The following ARHGAP23 variants were observed in gnomAD, a reference collection of about 807,000 sequenced individuals.
ARHGAP23 encodes rho GTPase-activating protein 23.
A neutral mutation model predicts 136.3 loss-of-function variants in ARHGAP23; 34 were observed. The observed-to-expected ratio is 0.25, with a 90% confidence interval of 0.19 to 0.33. The LOEUF (loss-of-function observed/expected upper bound fraction) is 0.33, where lower values mean the gene tolerates loss of function less well. ARHGAP23 is among the 10% of genes least tolerant of loss of function. The pLI is 1.00. For missense variants in ARHGAP23, 1,808 were observed against 2,139.0 expected (o/e 0.85, Z 3.05); for synonymous variants, 832 against 920.5 (o/e 0.90, Z 1.74).
chr17:38,443,986 A>G (rs1466203964), intron 1 of ARHGAP23, among the ~76,000 whole-genome samples: 1 of 152,054 alleles, frequency 6.6e-6, no homozygotes, highest in East Asian at 1.9e-4. Context: ...CAGGGGATGG[A>G]TCTGCTGACC....
rs144276568 is a variant in ARHGAP23 at position 38,495,791 on chromosome 17, T to G, written c.3277-1994T>G. 2.6e-5 allele frequency among the ~76,000 whole-genome samples: 4 copies of G among 152,302 alleles called. No individual in the cohort carries two copies. The East Asian group carries it at 7.7e-4, about 29-fold the overall frequency. On this transcript the variant is annotated intron_variant, in intron 20 of 23. Coordinates refer to ENST00000622683, the MANE Select transcript of ARHGAP23 (RefSeq NM_001199417.2). ...AAATGCATGGCTACCCTTAAATATA[T>G]ATAATATTCTTTGTGTGTTTTAAGT...
intron 11 of ARHGAP23, among the ~76,000 whole-genome samples, chr17:38,475,493 C>T (rs1161565894): frequency 2.0e-5 from 3 of 152,282 alleles, no homozygotes; most frequent in South Asian, 4.1e-4. Flanking sequence ...CTGTGATGAG[C>T]AGGGCTCACA....
rs60358190 is a variant in ARHGAP23 at position 38,419,580 on chromosome 17, T to TCACACACA, written n.120+207_120+214dup. 7.8e-3 allele frequency among the ~76,000 whole-genome samples: 1,113 copies of TCACACACA among 143,132 alleles called. 9 individuals carry two copies. The highest frequency in any genetic ancestry group is 0.024 in the African/African-American group (921 of 38,598). The allele number at this position is 143,132 out of a possible 152,430, so 93.9% of individuals were successfully genotyped here. On this transcript the variant is annotated intron_variant and non_coding_transcript_variant, in intron 1 of 4. Transcript: ENST00000633445. ...GGATGGGACTGATGTGACACAGAGC[T>TCACACACA]CACACACACACACACACACACACAC... is the stretch of plus-strand genomic sequence containing the variant.
intron 6 of ARHGAP23, among the ~76,000 whole-genome samples, chr17:38,464,935 C>T (rs1355962143): frequency 6.6e-6 from 1 of 152,170 alleles, no homozygotes; most frequent in Non-Finnish European, 1.5e-5. Context: ...ACCGACGCGG[C>T]GAGGCCCCTC....
chr17:38,470,415 C>T (rs2039722889), intron 10 of ARHGAP23, among the ~76,000 whole-genome samples: 1 of 152,204 alleles, frequency 6.6e-6, no homozygotes, highest in African/African-American at 2.4e-5. Flanking sequence ...GTCTTGTCTT[C>T]ATGGGATGGG....
rs1275851139 is a variant in ARHGAP23 at position 38,469,287 on chromosome 17, T to G, written c.1792T>G (p.Ser598Ala). The G allele has an allele frequency of 6.4e-7, 1 of 1,551,088 alleles. No homozygotes were observed. Among genetic ancestry groups the G allele is most frequent in the African/African-American group, 1.4e-5 (1 of 73,156 alleles). Residue 598 changes from serine to alanine, a missense_variant, in exon 8 of 24, where the codon TCG becomes GCG. Coordinates refer to ENST00000622683, the MANE Select transcript of ARHGAP23 (RefSeq NM_001199417.2). ...CACTTTCACCCTCGGACGCCATTAC[T>G]CGCAGGACTGCAGTGAGCACTCCCC... ...TFTFTLGRHY[S>A]QDCSSIKAGR...
intron 6 of ARHGAP23, 149 bp from the exon 7 acceptor site, chr17:38,466,018 C>T (rs964461106): frequency 1.8e-6 from 1 of 561,450 alleles, no homozygotes; most frequent in East Asian, 3.2e-5. Flanking sequence ...CTTCCACCCC[C>T]ACCCACTTAT....
chr17:38,469,354 G>C, intron 8 of ARHGAP23, 55 bp downstream of exon 8: 8 of 1,509,764 alleles, frequency 5.3e-6, no homozygotes, highest in Non-Finnish European at 6.2e-6. Context: ...CCAGTCCCAG[G>C]GGTCTCTGTT....
At chr17:38,453,720 A>G (rs1416297352) in intron 1 of ARHGAP23, 1 of 148,120 alleles carries the variant, frequency 6.8e-6, no homozygotes, top group African/African-American at 2.5e-5. Flanking sequence ...GGAGGCGCGG[A>G]GCCAATCCAG....
Position 38,457,955 on chromosome 17 carries a change from G to A in ARHGAP23, c.64-147G>A. On this transcript the variant is annotated intron_variant, in intron 1 of 23. Coordinates refer to ENST00000622683, the MANE Select transcript of ARHGAP23 (RefSeq NM_001199417.2). Reference sequence around the variant, plus strand: ...GAGAGTAAGGAAGGGGTGAGGAGGAGGTCATGGGCAGGGAGGATGCCTGGC... The same window carrying A: ...GAGAGTAAGGAAGGGGTGAGGAGGAAGTCATGGGCAGGGAGGATGCCTGGC... 14 of 869,254 alleles carry A rather than the reference G, an allele frequency of 1.6e-5. 2 individuals carry two copies. The South Asian group carries it at 2.1e-4, about 13-fold the overall frequency. The allele number at this position is 869,254 out of a possible 1,614,324, so 53.8% of individuals were successfully genotyped here.
chr17:38,467,319 A>C lies in ARHGAP23; in HGVS notation c.1636A>C (p.Ile546Leu), dbSNP rs1389727397. The C allele has an allele frequency of 1.4e-6, 2 of 1,480,710 alleles. No individual in the cohort carries two copies. The highest frequency in any genetic ancestry group is 1.8e-6 in the Non-Finnish European group (2 of 1,115,202). The allele number at this position is 1,480,710 out of a possible 1,614,324, so 91.7% of individuals were successfully genotyped here. Residue 546 changes from isoleucine (I) to leucine (L), a missense_variant, in exon 7 of 24, where the codon ATC becomes CTC. This residue lies in a region of ARHGAP23 where 859 missense variants were observed against 936.4 expected (regional missense o/e 0.92). Coordinates refer to ENST00000622683, the MANE Select transcript of ARHGAP23 (RefSeq NM_001199417.2). The stretch of plus-strand genomic sequence containing the variant: ...CACCACCGAAGACTCTCTGGCTTCC[A>C]TCCCCTTTATTGGTGAGTGATGGTA... ...LATTEDSLAS[I>L]PFIDEPTSPS...
chr17:38,465,805 G>A (rs1476439399), intron 6 of ARHGAP23, among the ~76,000 whole-genome samples: 1 of 151,286 alleles, frequency 6.6e-6, no homozygotes, highest in Non-Finnish European at 1.5e-5. Context: ...GGCTCCACCC[G>A]AGGAGCTTTG....
rs58299997 is a variant in ARHGAP23, at chr17:38,448,470, A to C, written c.64-9632A>C. Among the ~76,000 whole-genome samples, 11 of 152,192 alleles carry C rather than the reference A, an allele frequency of 7.2e-5. No individual in the cohort carries two copies. The East Asian group carries it at 2.1e-3, about 29-fold the overall frequency. On this transcript the variant is annotated intron_variant, in intron 1 of 23. Coordinates refer to ENST00000622683, the MANE Select transcript of ARHGAP23 (RefSeq NM_001199417.2). ...CCAACAACCTTTGAGGTGGAAATACATGTCATTACCATTTTATTGATGAGG... is the reference window on the plus strand; with the variant it reads ...CCAACAACCTTTGAGGTGGAAATACCTGTCATTACCATTTTATTGATGAGG...
chr17:38,458,012 C>T (rs2039368623), intron 1 of ARHGAP23, 90 bp from the exon 2 acceptor site: 2 of 1,466,802 alleles, frequency 1.4e-6, no homozygotes, highest in African/African-American at 2.8e-5. Flanking sequence ...TTCTGGTGCC[C>T]CTCCGGTCCT....
intron 4 of ARHGAP23, 50 bp from the exon 5 acceptor site, chr17:38,463,067 AT>A: frequency 1.3e-6 from 2 of 1,545,562 alleles, no homozygotes; most frequent in Admixed American, 4.0e-5. Flanking sequence ...GGGTTCTCAG[AT>A]GGGGCCTTTG....
chr17:38,423,951 A>G (rs377482624), upstream of ARHGAP23, among the ~76,000 whole-genome samples: 25 of 152,170 alleles, frequency 1.6e-4, no homozygotes, highest in East Asian at 4.8e-3. Context: ...CAGCTCACAG[A>G]GTTTTTCAGA....
At chr17:38,419,564 T>C (rs2038498515) in intron 1 of ARHGAP23, among the ~76,000 whole-genome samples, 1 of 145,880 alleles carries the variant, frequency 6.9e-6, no homozygotes, top group African/African-American at 2.6e-5. Flanking sequence ...GGGATGGGAC[T>C]GATGTGACAC....
At chr17:38,439,815 C>T (rs1461784878) in intron 1 of ARHGAP23, among the ~76,000 whole-genome samples, 2 of 151,856 alleles carry the variant, frequency 1.3e-5, no homozygotes, top group Non-Finnish European at 2.9e-5. Flanking sequence ...TGCTCTGTCA[C>T]CCAGGCTGGA....
intron 6 of ARHGAP23, among the ~76,000 whole-genome samples, chr17:38,464,945 C>T (rs2039550011): frequency 1.3e-5 from 2 of 152,314 alleles, no homozygotes; most frequent in Admixed American, 1.3e-4. Context: ...CGAGGCCCCT[C>T]CACACCCATC....
Sources: allele counts gnomAD v4.1 joint callset (sites outside exome capture counted in the v4.1 genomes callset), GRCh38; gene constraint gnomAD v4.1.1; regional missense constraint gnomAD v4.1.1; transcripts MANE v1.5; gene names NCBI Gene and HGNC (gene_info 2026-07-23, HGNC 2026-07-21).